Variants in CD48 observed in about 807,000 individuals in gnomAD.
CD48 encodes the protein CD48 molecule.
A neutral mutation model predicts 22.0 loss-of-function variants in CD48; 20 were observed. The observed-to-expected ratio is 0.91, with a 90% CI of 0.64 to 1.32. The LOEUF (loss-of-function observed/expected upper bound fraction) is 1.32, where lower values mean the gene tolerates loss of function less well. Ranked by LOEUF, CD48 falls within the 40% of genes most tolerant of loss-of-function variation. CD48 has a pLI of 0.00. For missense variants in CD48, 307 were observed against 286.5 expected (o/e 1.07, Z -0.52); for synonymous variants, 110 against 110.1 (o/e 1.00, Z 0.01).
intron 2 of CD48, chr1:160,684,114 T>C (rs1202869437): frequency 1.3e-5 from 2 of 152,230 alleles, no homozygotes; most frequent in Admixed American, 1.3e-4. Context: ...AGTCCACAGA[T>C]TCCTGAAGCT....
chr1:160,692,665 G>A (rs1662267938), intron 1 of CD48, among the ~76,000 whole-genome samples: 1 of 152,108 alleles, frequency 6.6e-6, no homozygotes, highest in Non-Finnish European at 1.5e-5. Context: ...CTAGTAGACA[G>A]GGTAGTGAAT....
chr1:160,685,302 G>C, intron 1 of CD48, 113 bp from the exon 2 acceptor site: 1 of 753,378 alleles, frequency 1.3e-6, no homozygotes, highest in South Asian at 1.9e-5. Context: ...TTCTGCTTAG[G>C]AGCAGTGAGT....
rs144452828 is a variant in CD48, at chr1:160,694,270, G to A, written c.83-9081C>T. 2.1e-3 allele frequency among the ~76,000 whole-genome samples: 324 copies of A among 152,318 alleles called. 4 individuals carry two copies. In the East Asian group the frequency reaches 0.052, roughly 24 times the overall value. ...CAGGAGGGTTTGGAAGCACTGATCC[G>A]ACAGGAAAGGCTGCATATTGGGCAA... On this transcript the variant is annotated intron_variant, in intron 1 of 3. Coordinates refer to ENST00000368046, the MANE Select transcript of CD48 (RefSeq NM_001778.4).
intron 1 of CD48, among the ~76,000 whole-genome samples, chr1:160,708,731 AT>A (rs199875414): frequency 1.2e-4 from 18 of 151,450 alleles, no homozygotes; most frequent in Non-Finnish European, 2.5e-4. Context: ...GGATTGTAGT[AT>A]TTTTTTTTAA....
At position 160,685,188 on chromosome 1, in the gene CD48, A is replaced by G; in HGVS notation, c.84T>C (p.Gly28=). The G allele has an allele frequency of 1.9e-6, 3 of 1,602,000 alleles. No individual in the cohort carries two copies. Among genetic ancestry groups the G allele is most frequent in the Non-Finnish European group, 1.7e-6 (2 of 1,171,948 alleles). ...AGACCACGGTCATATGTACCAAGTG[A>G]CCTGCCAATGAGATTCAGAGTGAGA... ...PLSLLVTSIQ[G]HLVHMTVVSG... is the part of the protein sequence containing the mutation. The change falls in exon 2 of 4, where the codon GGT becomes GGC. Residue 28 remains glycine, a splice_region_variant and synonymous_variant. Transcript: ENST00000368046.
Position 160,679,148 on chromosome 1 carries a change from AC to A in CD48, c.653-18del, listed in dbSNP as rs746253299. ...AGGACCGGGCTGAAAGAGCAAGAAA[AC>A]CCTATATGCTTAGGTATCTTTATCT... On this transcript the variant is annotated intron_variant, in intron 3 of 3. Coordinates refer to ENST00000368046, the MANE Select transcript of CD48 (RefSeq NM_001778.4). 6.2e-7 allele frequency: 1 copy of A among 1,608,350 alleles called. No homozygotes were observed. Among genetic ancestry groups the A allele is most frequent in the East Asian group, 2.2e-5 (1 of 44,872 alleles).
chr1:160,681,612 G>A (rs954291931), intron 2 of CD48, 144 bp from the exon 3 acceptor site: 5 of 1,053,420 alleles, frequency 4.7e-6, no homozygotes, highest in Non-Finnish European at 6.8e-6. Flanking sequence ...TACAGAGGGA[G>A]CCAGTGAGCA....
chr1:160,703,725 A>G (rs541385465), intron 1 of CD48, among the ~76,000 whole-genome samples: 1 of 152,304 alleles, frequency 6.6e-6, no homozygotes, highest in Admixed American at 6.5e-5. Context: ...GTAGGGGCAA[A>G]AGGGTGAACT....
chr1:160,680,279 G>A (rs1328671722), intron 3 of CD48: 1 of 152,244 alleles, frequency 6.6e-6, no homozygotes, highest in African/African-American at 2.4e-5. Context: ...ATTTCCCAGA[G>A]TGCTGGAGAT....
chr1:160,705,762 A>G (rs1258311997), intron 1 of CD48, among the ~76,000 whole-genome samples: 1 of 152,168 alleles, frequency 6.6e-6, no homozygotes, highest in African/African-American at 2.4e-5. Flanking sequence ...TCTTGACATT[A>G]TTGACATTTT....
intron 1 of CD48, among the ~76,000 whole-genome samples, chr1:160,689,847 A>G (rs1662139509): frequency 6.6e-6 from 1 of 152,114 alleles, no homozygotes; most frequent in Non-Finnish European, 1.5e-5. Context: ...CTACGTTATA[A>G]TTGTGCCAGG....
At chr1:160,680,770 C>CGA in intron 3 of CD48, 1 of 1,071,754 alleles carries the variant, frequency 9.3e-7, no homozygotes, top group Non-Finnish European at 1.1e-6. Context: ...CTGACTTTGG[C>CGA]GGTCTAATGA....
intron 1 of CD48, among the ~76,000 whole-genome samples, chr1:160,702,107 A>G (rs7521591): frequency 0.21 from 32,263 of 152,162 alleles, 3,684 homozygotes; most frequent in African/African-American, 0.3. Context: ...TCTCATCAAC[A>G]GAATCAGAAT....
chr1:160,687,074 G>A (rs973980026), intron 1 of CD48, among the ~76,000 whole-genome samples: 4 of 152,118 alleles, frequency 2.6e-5, no homozygotes, highest in Non-Finnish European at 5.9e-5. Flanking sequence ...GCACCTGGGG[G>A]TGCTGTTTAT....
At chr1:160,685,854 C>A (rs920254264) in intron 1 of CD48, among the ~76,000 whole-genome samples, 6 of 152,140 alleles carry the variant, frequency 3.9e-5, no homozygotes, top group African/African-American at 1.4e-4. Flanking sequence ...AGATACAGGG[C>A]AAATTGTCCA....
At chr1:160,693,304 G>A (rs952937549) in intron 1 of CD48, among the ~76,000 whole-genome samples, 2 of 152,390 alleles carry the variant, frequency 1.3e-5, no homozygotes, top group East Asian at 3.9e-4. Flanking sequence ...AAGCCCGTAA[G>A]GTCATAGTGG....
At chr1:160,701,371 T>C (rs905083122) in intron 1 of CD48, among the ~76,000 whole-genome samples, 1 of 151,930 alleles carries the variant, frequency 6.6e-6, no homozygotes, top group African/African-American at 2.4e-5. Flanking sequence ...CATATCCAAG[T>C]TGCAACTGCT....
chr1:160,682,969 G>A (rs1661862548), intron 2 of CD48, among the ~76,000 whole-genome samples: 1 of 152,218 alleles, frequency 6.6e-6, no homozygotes, highest in African/African-American at 2.4e-5. Flanking sequence ...ATCAGAGCTT[G>A]CCTCTTGGTT....
At chr1:160,684,267 C>T (rs1277083384) in intron 2 of CD48, 1 of 153,180 alleles carries the variant, frequency 6.5e-6, no homozygotes, top group Non-Finnish European at 1.5e-5. Context: ...GAATTAGTTT[C>T]TGTTATTTGC....
Sources: gnomAD v4.1 joint callset for allele counts (sites outside exome capture counted in the v4.1 genomes callset) on GRCh38, gnomAD v4.1.1 for gene constraint, MANE v1.5 for transcripts, NCBI Gene and HGNC (gene_info 2026-07-23, HGNC 2026-07-21) for gene names.